The following LDLRAD4 variants were observed in gnomAD, a reference collection of about 807,000 sequenced individuals.
LDLRAD4 encodes low-density lipoprotein receptor class A domain-containing protein 4.
A neutral mutation model predicts 17.0 loss-of-function variants in LDLRAD4; 5 were observed. The observed-to-expected ratio is 0.29, with a 90% CI of 0.15 to 0.62. LDLRAD4 has a LOEUF of 0.62. LDLRAD4 is among the 20% of genes least tolerant of loss of function. The probability of loss-of-function intolerance (pLI) is 0.84; values close to 1 mark genes in which losing one functional copy is unlikely to be tolerated. For missense variants in LDLRAD4, 340 were observed against 424.7 expected, an observed-to-expected ratio of 0.80 and a Z score of 1.75; for synonymous variants, 168 against 171.8, an observed-to-expected ratio of 0.98 and a Z score of 0.17.
intron 2 of LDLRAD4, among the ~76,000 whole-genome samples, chr18:13,413,272 G>C (rs554715376): frequency 1.3e-4 from 20 of 152,342 alleles, no homozygotes; most frequent in African/African-American, 4.8e-4. Flanking sequence ...GGAGGTTTCA[G>C]TGCTTGGCAA....
At chr18:13,490,962 C>G (rs534894241) in intron 3 of LDLRAD4, among the ~76,000 whole-genome samples, 2 of 152,332 alleles carry the variant, frequency 1.3e-5, no homozygotes, top group South Asian at 2.1e-4. Context: ...CTGAACCTCT[C>G]AGATGTTGGA....
intron 2 of LDLRAD4, among the ~76,000 whole-genome samples, chr18:13,430,565 C>T (rs183377399): frequency 6.6e-6 from 1 of 152,280 alleles, no homozygotes; most frequent in African/African-American, 2.4e-5. Flanking sequence ...AGTTAGGGCC[C>T]CCAGAGGTGC....
chr18:13,493,192 T>A (rs2093394484), intron 3 of LDLRAD4, among the ~76,000 whole-genome samples: 1 of 152,220 alleles, frequency 6.6e-6, no homozygotes, highest in Non-Finnish European at 1.5e-5. Context: ...GCCAAGAAGT[T>A]ACATTGTTTT....
intron 1 of LDLRAD4, among the ~76,000 whole-genome samples, chr18:13,313,489 C>T (rs985073133): frequency 6.6e-6 from 1 of 152,168 alleles, no homozygotes; most frequent in Admixed American, 6.5e-5. Flanking sequence ...AAGCTTGAGT[C>T]GTTTTTATCT....
At chr18:13,368,896 G>A (rs2084261232) in intron 1 of LDLRAD4, among the ~76,000 whole-genome samples, 1 of 152,240 alleles carries the variant, frequency 6.6e-6, no homozygotes, top group Non-Finnish European at 1.5e-5. Context: ...TGGGGAAGGT[G>A]GCAGGAGCCC....
chr18:13,381,640 G>A (rs181450838), intron 1 of LDLRAD4, among the ~76,000 whole-genome samples: 10 of 152,286 alleles, frequency 6.6e-5, no homozygotes, highest in South Asian at 4.1e-4. Flanking sequence ...CTGACTGGCC[G>A]TTGCCAAGGT....
At chr18:13,448,893 C>A (rs933432915) in intron 3 of LDLRAD4, among the ~76,000 whole-genome samples, 4 of 152,184 alleles carry the variant, frequency 2.6e-5, no homozygotes, top group African/African-American at 9.7e-5. Flanking sequence ...CCTCCGAGGG[C>A]TGGACTTCTG....
At chr18:13,581,313 T>G (rs1328843162) in intron 3 of LDLRAD4, among the ~76,000 whole-genome samples, 2 of 152,216 alleles carry the variant, frequency 1.3e-5, no homozygotes, top group African/African-American at 4.8e-5. Context: ...TTAGGTATGC[T>G]CAACCCCTAA....
At chr18:13,582,188 A>G (rs2094870284) in intron 3 of LDLRAD4, among the ~76,000 whole-genome samples, 1 of 152,214 alleles carries the variant, frequency 6.6e-6, no homozygotes, top group Non-Finnish European at 1.5e-5. Flanking sequence ...AAAAAAACCT[A>G]AAGCAGTCGG....
At chr18:13,388,223 C>A (rs1428362312) in intron 2 of LDLRAD4, among the ~76,000 whole-genome samples, 1 of 152,210 alleles carries the variant, frequency 6.6e-6, no homozygotes, top group Non-Finnish European at 1.5e-5. Flanking sequence ...CAGAACTCGT[C>A]TTGCAGTGAG....
intron 1 of LDLRAD4, among the ~76,000 whole-genome samples, chr18:13,321,125 A>G (rs904446518): frequency 6.6e-6 from 1 of 152,188 alleles, no homozygotes; most frequent in Non-Finnish European, 1.5e-5. Flanking sequence ...AGCATGCTGC[A>G]GGACTCCGAG....
intron 1 of LDLRAD4, among the ~76,000 whole-genome samples, chr18:13,370,595 G>A (rs1464701592): frequency 6.6e-6 from 1 of 152,140 alleles, no homozygotes; most frequent in Non-Finnish European, 1.5e-5. Flanking sequence ...TTCTTGCTGT[G>A]CGGAAGTGGC....
chr18:13,441,855 G>A (rs1205826062), intron 3 of LDLRAD4, among the ~76,000 whole-genome samples: 3 of 152,312 alleles, frequency 2.0e-5, no homozygotes, highest in Non-Finnish European at 2.9e-5. Flanking sequence ...CCTCACCATG[G>A]TCAGGTTATG....
At chr18:13,532,524 T>G (rs1446015750) in intron 3 of LDLRAD4, among the ~76,000 whole-genome samples, 1 of 151,850 alleles carries the variant, frequency 6.6e-6, no homozygotes, top group East Asian at 1.9e-4. Flanking sequence ...TTTCCTAAAG[T>G]GGGAGGGAGG....
chr18:13,329,141 G>A (rs35664252), intron 1 of LDLRAD4, among the ~76,000 whole-genome samples: 65,573 of 151,968 alleles, frequency 0.43, 17,000 homozygotes, highest in Non-Finnish European at 0.57. Flanking sequence ...ATATTTTCCC[G>A]CATGTGAAAA....
At chr18:13,342,477 CTTT>C (rs10706515) in intron 1 of LDLRAD4, among the ~76,000 whole-genome samples, 398 of 38,750 alleles carry the variant, frequency 0.01, 2 homozygotes, top group African/African-American at 0.038. Context: ...GCCTTCCTGT[CTTT>C]TTTTTTTTTT....
At chr18:13,620,256 G>A (rs1447820596) in intron 3 of LDLRAD4, among the ~76,000 whole-genome samples, 1 of 152,232 alleles carries the variant, frequency 6.6e-6, no homozygotes, top group Non-Finnish European at 1.5e-5. Flanking sequence ...TGTGAGCCCA[G>A]GGCAGCACAG....
intron 1 of LDLRAD4, among the ~76,000 whole-genome samples, chr18:13,221,292 C>A (rs1483306190): frequency 1.3e-5 from 2 of 152,136 alleles, no homozygotes; most frequent in African/African-American, 4.8e-5. Flanking sequence ...TCTTTTCTTT[C>A]TTCCTTCCTC....
At chr18:13,638,672 G>T (rs554759837) in intron 4 of LDLRAD4, among the ~76,000 whole-genome samples, 2 of 152,326 alleles carry the variant, frequency 1.3e-5, no homozygotes, top group South Asian at 2.1e-4. Context: ...TCAAACATGA[G>T]TGATTTGAGA....
Sources: gnomAD v4.1 joint callset for allele counts (sites outside exome capture counted in the v4.1 genomes callset) on GRCh38, gnomAD v4.1.1 for gene constraint, MANE v1.5 for transcripts, NCBI Gene and HGNC (gene_info 2026-07-23, HGNC 2026-07-21) for gene names.